Variants in CLEC2A observed in about 807,000 individuals in gnomAD.
The protein encoded by CLEC2A is keratinocyte-associated C-type lectin.
Under a neutral mutation model 18.6 loss-of-function variants are expected in CLEC2A, and 19 were observed. That is an observed-to-expected ratio of 1.02 (90% confidence interval 0.71 to 1.50). CLEC2A has a LOEUF of 1.50. Ranked by LOEUF, CLEC2A falls within the 40% of genes most tolerant of loss-of-function variation. The probability of loss-of-function intolerance (pLI) is 0.00; values close to 1 mark genes in which losing one functional copy is unlikely to be tolerated. For synonymous variants in CLEC2A, 74 were observed against 64.0 expected, an observed-to-expected ratio of 1.16 and a Z score of -0.75; for missense variants, 190 against 207.9, an observed-to-expected ratio of 0.91 and a Z score of 0.53.
chr12:9,908,913 CCT>C (rs1486485414), downstream of CLEC2A, among the ~76,000 whole-genome samples: 3 of 152,106 alleles, frequency 2.0e-5, no homozygotes, highest in African/African-American at 7.2e-5. Context: ...TTTGGAGCCC[CCT>C]GTTGATAGGT....
At chr12:9,885,004 T>G in the CLEC2A span, 2 of 1,321,368 alleles carry the variant, frequency 1.5e-6, no homozygotes, top group Non-Finnish European at 1.9e-6. Context: ...TTATATTCAT[T>G]ATGACAGGGA....
chr12:9,932,149 T>C, intron 1 of CLEC2A, 126 bp downstream of exon 1: 1 of 673,808 alleles, frequency 1.5e-6, no homozygotes. Flanking sequence ...TCTCCGGAAG[T>C]GCTTCCCCAT....
At chr12:9,881,405 A>G in the CLEC2A span, 1 of 526,192 alleles carries the variant, frequency 1.9e-6, no homozygotes, top group Non-Finnish European at 3.4e-6. Context: ...ACAAGCTTAT[A>G]TCCATTTTCA....
chr12:9,907,481 C>T (rs894162980), intron 4 of CLEC2A, among the ~76,000 whole-genome samples: 1 of 152,150 alleles, frequency 6.6e-6, no homozygotes, highest in Non-Finnish European at 1.5e-5. Context: ...ATTCCTTCTA[C>T]TTGTTCGGGT....
chr12:9,882,716 G>A, the CLEC2A span, among the ~76,000 whole-genome samples: 1 of 152,164 alleles, frequency 6.6e-6, no homozygotes, highest in Non-Finnish European at 1.5e-5. Flanking sequence ...GGGAGACGGA[G>A]GTTGCAGTCA....
intron 3 of CLEC2A, among the ~76,000 whole-genome samples, chr12:9,920,482 A>G (rs1343376573): frequency 6.6e-6 from 1 of 151,970 alleles, no homozygotes; most frequent in Non-Finnish European, 1.5e-5. Flanking sequence ...TTCACTCACC[A>G]CTTCCCTGGG....
intron 1 of CLEC2A, among the ~76,000 whole-genome samples, chr12:9,930,711 T>C (rs1348781706): frequency 1.3e-5 from 2 of 152,076 alleles, no homozygotes; most frequent in Non-Finnish European, 2.9e-5. Flanking sequence ...TATTATTTCT[T>C]CAAATATTTC....
rs1200848170 is a variant in CLEC2A at position 9,917,339 on chromosome 12, T to C, written c.307-536A>G. ...CCCAAGTATTAAGCCCACTAACCAA[T>C]AGTTATATCTGTCATATCTGCCATC... On this transcript the variant is annotated intron_variant, in intron 3 of 4. Coordinates refer to ENST00000455827, the MANE Select transcript of CLEC2A (RefSeq NM_001130711.2). 3.3e-5 allele frequency among the ~76,000 whole-genome samples: 5 copies of C among 152,182 alleles called. No homozygotes were observed. In the East Asian group the frequency reaches 5.8e-4, roughly 18 times the overall value.
chr12:9,900,734 C>T (rs980195379), intron 4 of CLEC2A, among the ~76,000 whole-genome samples: 3 of 152,178 alleles, frequency 2.0e-5, no homozygotes, highest in African/African-American at 7.2e-5. Flanking sequence ...GAACCCTGTA[C>T]AGGGACTGAA....
chr12:9,916,850 AC>A, intron 3 of CLEC2A, 47 bp from the exon 4 acceptor site: 1 of 1,070,118 alleles, frequency 9.3e-7, no homozygotes, highest in Non-Finnish European at 1.4e-6. Context: ...ATGTTACAGC[AC>A]ATTGCTGAAC....
In CLEC2A at chr12:9,919,589, C is replaced by G. The variant is rs547475591; in HGVS notation, c.306+2477G>C. 6.6e-5 allele frequency among the ~76,000 whole-genome samples: 10 copies of G among 152,318 alleles called. No individual in the cohort carries two copies. The East Asian group carries it at 1.9e-3, about 29-fold the overall frequency. ...AGACATTCCAGAGCTGCTACTGGCT[C>G]AATAGCGCTTGCGAGGGGGGCTGGA... On this transcript the variant is annotated intron_variant, in intron 3 of 4. Coordinates refer to ENST00000455827, the MANE Select transcript of CLEC2A (RefSeq NM_001130711.2).
the CLEC2A span, among the ~76,000 whole-genome samples, chr12:9,880,825 CT>C: frequency 6.6e-6 from 1 of 152,100 alleles, no homozygotes; most frequent in African/African-American, 2.4e-5. Context: ...GCAAATCTGC[CT>C]TACTCAAAGG....
At chr12:9,931,256 T>C (rs1863370707) in intron 1 of CLEC2A, among the ~76,000 whole-genome samples, 1 of 152,220 alleles carries the variant, frequency 6.6e-6, no homozygotes, top group Admixed American at 6.5e-5. Flanking sequence ...TATTTCTTTT[T>C]GTAATACTAA....
intron 4 of CLEC2A, among the ~76,000 whole-genome samples, chr12:9,904,102 C>A (rs1281359876): frequency 6.6e-6 from 1 of 152,172 alleles, no homozygotes; most frequent in East Asian, 1.9e-4. Flanking sequence ...ATGACTTAAG[C>A]TCACTGCATC....
intron 3 of CLEC2A, among the ~76,000 whole-genome samples, chr12:9,918,508 A>G (rs1296133913): frequency 6.6e-6 from 1 of 152,184 alleles, no homozygotes; most frequent in Admixed American, 6.5e-5. Flanking sequence ...GTAGCCCTGT[A>G]GTATAGTTTG....
chr12:9,925,655 G>T (rs1863256962), intron 2 of CLEC2A, among the ~76,000 whole-genome samples: 1 of 69,120 alleles, frequency 1.4e-5, no homozygotes, highest in Non-Finnish European at 2.8e-5. Context: ...TGTTTATGTG[G>T]GATTTTTTTT....
At chr12:9,907,371 A>G (rs1209987733) in intron 4 of CLEC2A, among the ~76,000 whole-genome samples, 3 of 152,220 alleles carry the variant, frequency 2.0e-5, no homozygotes, top group Non-Finnish European at 4.4e-5. Flanking sequence ...ATAAAAGTTT[A>G]GTTTTTAGAG....
chr12:9,931,172 T>G (rs1863369343), intron 1 of CLEC2A, among the ~76,000 whole-genome samples: 1 of 152,182 alleles, frequency 6.6e-6, no homozygotes, highest in South Asian at 2.1e-4. Flanking sequence ...TTCTTCCACT[T>G]TTTACTCTCT....
intron 3 of CLEC2A, among the ~76,000 whole-genome samples, chr12:9,918,772 CTA>C (rs1170650541): frequency 6.6e-6 from 1 of 152,148 alleles, no homozygotes; most frequent in Non-Finnish European, 1.5e-5. Flanking sequence ...GACACTCTGA[CTA>C]TTTGAGTTAC....
Sources: allele counts gnomAD v4.1 joint callset (sites outside exome capture counted in the v4.1 genomes callset), GRCh38; gene constraint gnomAD v4.1.1; transcripts MANE v1.5; gene names NCBI Gene and HGNC (gene_info 2026-07-23, HGNC 2026-07-21).